The following BRI3BP variants were observed in gnomAD, a reference collection of about 807,000 sequenced individuals.
BRI3BP encodes the protein BRI3 binding protein.
Under a neutral mutation model 15.8 loss-of-function variants are expected in BRI3BP, and 7 were observed. The observed-to-expected ratio is 0.44, with a 90% CI of 0.25 to 0.83. The LOEUF is 0.83. BRI3BP is among the 40% of genes least tolerant of loss of function. The pLI, the probability that BRI3BP is intolerant of heterozygous loss-of-function variation, is 0.20. For missense variants in BRI3BP, 320 were observed against 339.3 expected, an observed-to-expected ratio of 0.94 and a Z score of 0.45; for synonymous variants, 192 against 163.5, an observed-to-expected ratio of 1.17 and a Z score of -1.33.
At chr12:125,005,496 T>C (rs993990505) in intron 1 of BRI3BP, among the ~76,000 whole-genome samples, 3 of 151,942 alleles carry the variant, frequency 2.0e-5, no homozygotes, top group Non-Finnish European at 2.9e-5. Context: ...TGGCCAGGGA[T>C]GGTGGCTCAT....
chr12:125,018,534 G>A (rs778310325), intron 2 of BRI3BP, among the ~76,000 whole-genome samples: 4 of 152,054 alleles, frequency 2.6e-5, no homozygotes, highest in South Asian at 4.2e-4. Context: ...GTCACGGAGT[G>A]CCAAGGATCA....
chr12:125,046,226 A>C, the BRI3BP span, among the ~76,000 whole-genome samples: 1 of 152,060 alleles, frequency 6.6e-6, no homozygotes, highest in African/African-American at 2.4e-5. Flanking sequence ...TAACTGACAC[A>C]TAAGTATGCT....
chr12:125,017,611 T>A (rs1451582741), intron 2 of BRI3BP, among the ~76,000 whole-genome samples: 1 of 152,150 alleles, frequency 6.6e-6, no homozygotes, highest in East Asian at 1.9e-4. Flanking sequence ...TTCTGACTTG[T>A]CACATTTCAA....
chr12:124,994,124 G>C, intron 1 of BRI3BP, 121 bp downstream of exon 1: 2 of 666,392 alleles, frequency 3.0e-6, no homozygotes, highest in Non-Finnish European at 2.0e-6. Context: ...CGCGGGAAGA[G>C]GGGGTCCGGC....
At chr12:125,000,608 A>T (rs1955082988) in intron 1 of BRI3BP, among the ~76,000 whole-genome samples, 1 of 152,122 alleles carries the variant, frequency 6.6e-6, no homozygotes, top group Admixed American at 6.6e-5. Context: ...CACCACGCCC[A>T]GCCTGTTTCC....
rs367795819 is a variant in BRI3BP at position 125,012,736 on chromosome 12, C to T, written c.316+100C>T. On this transcript the variant is annotated intron_variant, in intron 2 of 2. Transcript: ENST00000341446. ...CAGTGAGTAATACATGAGAAGGTTG[C>T]GGAGGGCTGGTCAGTGAGGATATGA... The T allele has an allele frequency of 1.9e-4, 179 of 934,248 alleles. No homozygotes were observed. The African/African-American group carries it at 2.1e-3, about 11-fold the overall frequency. The allele number at this position is 934,248 out of a possible 1,614,324, so 57.9% of individuals were successfully genotyped here. A position where few individuals can be genotyped will look rare whatever the true frequency, so the allele number is the denominator to read the frequency against.
chr12:125,038,636 G>A, the BRI3BP span, among the ~76,000 whole-genome samples: 389 of 152,150 alleles, frequency 2.6e-3, 3 homozygotes, highest in African/African-American at 8.9e-3. Flanking sequence ...GTGGTGGTGC[G>A]TGCCTGTAAT....
At chr12:125,021,972 C>T (rs866842375) in intron 2 of BRI3BP, among the ~76,000 whole-genome samples, 6 of 151,260 alleles carry the variant, frequency 4.0e-5, no homozygotes, top group South Asian at 2.1e-4. Flanking sequence ...CCTAGCTACT[C>T]GGGAGTCTGA....
intron 2 of BRI3BP, among the ~76,000 whole-genome samples, chr12:125,023,798 G>A (rs922090172): frequency 3.3e-5 from 5 of 152,162 alleles, no homozygotes; most frequent in Admixed American, 6.5e-5. Flanking sequence ...GAGGCCAGGC[G>A]CAGTGGCTCA....
Position 124,993,841 on chromosome 12 carries a change from G to C in BRI3BP, c.51G>C (p.Leu17=). The C allele has an allele frequency of 8.6e-7, 1 of 1,165,308 alleles. No homozygotes were observed. The highest frequency in any genetic ancestry group is 4.4e-5 in the Admixed American group (1 of 22,578). The allele number at this position is 1,165,308 out of a possible 1,614,324, so 72.2% of individuals were successfully genotyped here. The change falls in exon 1 of 3, where the codon CTG becomes CTC. Residue 17 remains leucine (L), a synonymous_variant. Coordinates refer to ENST00000341446, the MANE Select transcript of BRI3BP (RefSeq NM_080626.6). ...CCCTGGCCCGGGCCGGGCTCCTGCT[G>C]CTGCTGCTGCTGCTGCTGCTGCTCG... ...GGPLARAGLL[L]LLLLLLLLGL...
the BRI3BP span, among the ~76,000 whole-genome samples, chr12:125,046,324 T>C: frequency 6.6e-6 from 1 of 152,020 alleles, no homozygotes; most frequent in Non-Finnish European, 1.5e-5. Context: ...GAGGCCTAGG[T>C]GGGTGGATCA....
chr12:125,019,215 C>G (rs1238755263), intron 2 of BRI3BP, among the ~76,000 whole-genome samples: 1 of 152,146 alleles, frequency 6.6e-6, no homozygotes, highest in Non-Finnish European at 1.5e-5. Flanking sequence ...GACGGTGCCC[C>G]TTTGCTGTCA....
At chr12:124,999,530 C>T (rs1363811870) in intron 1 of BRI3BP, among the ~76,000 whole-genome samples, 2 of 151,476 alleles carry the variant, frequency 1.3e-5, no homozygotes, top group African/African-American at 2.4e-5. Flanking sequence ...CTCAAATGAT[C>T]CTCCTGCATC....
chr12:125,002,456 G>A (rs146463708), intron 1 of BRI3BP, among the ~76,000 whole-genome samples: 1 of 131,166 alleles, frequency 7.6e-6, no homozygotes, highest in Non-Finnish European at 1.7e-5. Context: ...TTTTTTTTTT[G>A]TTTTGTTTTT....
intron 1 of BRI3BP, among the ~76,000 whole-genome samples, chr12:125,003,976 C>T (rs1454928169): frequency 6.6e-6 from 1 of 150,714 alleles, no homozygotes; most frequent in Non-Finnish European, 1.5e-5. Context: ...CACACACACA[C>T]ACACACACAC....
chr12:125,012,241 A>C (rs528752292), intron 1 of BRI3BP, among the ~76,000 whole-genome samples: 1 of 152,194 alleles, frequency 6.6e-6, no homozygotes, highest in Non-Finnish European at 1.5e-5. Context: ...CATGAAAGAC[A>C]GCAGGAGCAA....
intron 2 of BRI3BP, among the ~76,000 whole-genome samples, chr12:125,021,302 C>T (rs1025578066): frequency 2.0e-5 from 3 of 152,214 alleles, no homozygotes; most frequent in Non-Finnish European, 2.9e-5. Context: ...ATGAGATGTT[C>T]ACGCCGTAGG....
chr12:125,013,723 C>T (rs1370397341), intron 2 of BRI3BP, among the ~76,000 whole-genome samples: 1 of 152,196 alleles, frequency 6.6e-6, no homozygotes, highest in Non-Finnish European at 1.5e-5. Context: ...GCCAGGGGAG[C>T]TGGCCCCTGG....
At chr12:125,013,875 A>G (rs748352562) in intron 2 of BRI3BP, among the ~76,000 whole-genome samples, 6 of 152,068 alleles carry the variant, frequency 3.9e-5, no homozygotes, top group Non-Finnish European at 8.8e-5. Flanking sequence ...GTCTTGGCGG[A>G]TGGCAAGGCA....
Sources: gnomAD v4.1 joint callset for allele counts (sites outside exome capture counted in the v4.1 genomes callset) on GRCh38, gnomAD v4.1.1 for gene constraint, MANE v1.5 for transcripts, NCBI Gene and HGNC (gene_info 2026-07-23, HGNC 2026-07-21) for gene names.